Variants in IL17B observed in about 807,000 individuals in gnomAD.
IL17B encodes interleukin 17B.
A neutral mutation model predicts 14.7 loss-of-function variants in IL17B; 14 were observed. The observed-to-expected ratio is 0.95, with a 90% CI of 0.63 to 1.49. The LOEUF (loss-of-function observed/expected upper bound fraction) is 1.49, where lower values mean the gene tolerates loss of function less well. IL17B is among the 40% of genes most tolerant of loss of function. The pLI is 0.00. For missense variants in IL17B, 233 were observed against 252.8 expected (o/e 0.92, Z 0.53); for synonymous variants, 105 against 94.8 (o/e 1.11, Z -0.62).
Position 149,378,264 on chromosome 5 carries a change from C to T in IL17B, c.21+941G>A, listed in dbSNP as rs148366435. 3.4e-4 allele frequency among the ~76,000 whole-genome samples: 52 copies of T among 152,266 alleles called. 2 individuals carry two copies. In the East Asian group the frequency reaches 8.7e-3, roughly 25 times the overall value. ...AGTTATGGGCTAAGGATGTCCTGTCCGCCTGCACTGCCCTTCTCCCCTGAG... is the reference window on the plus strand; with the variant it reads ...AGTTATGGGCTAAGGATGTCCTGTCTGCCTGCACTGCCCTTCTCCCCTGAG... On this transcript the variant is annotated intron_variant, in intron 1 of 2. Transcript: ENST00000261796.
intron 1 of IL17B, among the ~76,000 whole-genome samples, chr5:149,385,291 G>A (rs1036880672): frequency 6.6e-6 from 1 of 151,990 alleles, no homozygotes; most frequent in Admixed American, 6.5e-5. Context: ...GGAGGCAGAG[G>A]TTGCAGTGAG....
At chr5:149,389,353 A>G (rs934858978) in intron 1 of IL17B, among the ~76,000 whole-genome samples, 1 of 152,240 alleles carries the variant, frequency 6.6e-6, no homozygotes, top group Admixed American at 6.5e-5. Context: ...CAAATTTGGA[A>G]AAGAAACTTT....
upstream of IL17B, among the ~76,000 whole-genome samples, chr5:149,381,046 C>G (rs906695932): frequency 6.6e-6 from 1 of 152,156 alleles, no homozygotes; most frequent in Non-Finnish European, 1.5e-5. Context: ...TGTGCTGGCT[C>G]TCTGCACACA....
intron 1 of IL17B, among the ~76,000 whole-genome samples, chr5:149,377,410 A>G (rs562076263): frequency 1.4e-4 from 22 of 152,294 alleles, no homozygotes; most frequent in East Asian, 3.9e-4. Context: ...CATGACTTCA[A>G]TCTTAAAGTT....
At chr5:149,378,950 C>T (rs1253430508) in intron 1 of IL17B, among the ~76,000 whole-genome samples, 2 of 152,136 alleles carry the variant, frequency 1.3e-5, no homozygotes, top group Non-Finnish European at 2.9e-5. Flanking sequence ...CTGAGTTTGC[C>T]GGGATCTCCC....
In IL17B at chr5:149,374,818, G is replaced by A. The variant is rs1358901761; in HGVS notation, c.312-218C>T. 1 of 518,798 alleles carries A rather than the reference G, an allele frequency of 1.9e-6. No homozygotes were observed. The highest frequency in any genetic ancestry group is 1.9e-5 in the African/African-American group (1 of 52,978). 32.1% of individuals were successfully genotyped at this position (518,798 alleles called of 1,614,324 possible). A position where few individuals can be genotyped will look rare whatever the true frequency, so the allele number is the denominator to read the frequency against. On this transcript the variant is annotated intron_variant, in intron 2 of 2. Transcript: ENST00000261796. The surrounding 1 kb of genome is among the most constrained non-coding windows in gnomAD (Gnocchi z 5.0). ...GAGCCCCAAGGTTATCCAGCTTCAAGGTCACCAGTCACCCAGCTTCCTTCT... is the reference window on the plus strand; with the variant it reads ...GAGCCCCAAGGTTATCCAGCTTCAAAGTCACCAGTCACCCAGCTTCCTTCT...
chr5:149,385,646 T>G (rs544968981), intron 1 of IL17B, among the ~76,000 whole-genome samples: 70 of 152,324 alleles, frequency 4.6e-4, no homozygotes, highest in African/African-American at 1.6e-3. Flanking sequence ...CCCTGCCCAC[T>G]GGAGTGTCCT....
Position 149,374,765 on chromosome 5 carries a change from A to G in IL17B, c.312-165T>C. 1.7e-6 allele frequency: 1 copy of G among 587,402 alleles called. No individual in the cohort carries two copies. Among genetic ancestry groups the G allele is most frequent in the Non-Finnish European group, 3.0e-6 (1 of 336,588 alleles). 36.4% of individuals were successfully genotyped at this position (587,402 alleles called of 1,614,324 possible). A position where few individuals can be genotyped will look rare whatever the true frequency, so the allele number is the denominator to read the frequency against. On this transcript the variant is annotated intron_variant, in intron 2 of 2. Transcript: ENST00000261796. This position sits in a 1 kb window ranked among gnomAD's most constrained non-coding sequence, Gnocchi z 5.0. The stretch of plus-strand genomic sequence containing the variant: ...AATCAACTCCATGTTCCACGTGAGG[A>G]AACTGAAGATCATGGAAGGCAAGTC...
intron 1 of IL17B, among the ~76,000 whole-genome samples, chr5:149,385,283 A>G (rs1466611241): frequency 2.0e-5 from 3 of 151,960 alleles, no homozygotes; most frequent in Non-Finnish European, 4.4e-5. Flanking sequence ...TGAACCTGGG[A>G]GGCAGAGGTT....
rs146419159 is a variant in IL17B, at chr5:149,395,782, C to T, written n.95+8326G>A. On this transcript the variant is annotated intron_variant and non_coding_transcript_variant, in intron 1 of 2. Transcript: ENST00000505432. ...CTGCCTCCCAGGTTCAAGCAATTCT[C>T]GTACCTCAGCCTCCTGAGTAGCTGG... is the stretch of plus-strand genomic sequence containing the variant. Among the ~76,000 whole-genome samples, 25 of 152,302 alleles carry T rather than the reference C, an allele frequency of 1.6e-4. No individual in the cohort carries two copies. In the East Asian group the frequency reaches 4.6e-3, roughly 28 times the overall value.
chr5:149,396,006 T>A (rs1449923733), intron 1 of IL17B, among the ~76,000 whole-genome samples: 8 of 152,248 alleles, frequency 5.3e-5, no homozygotes, highest in Non-Finnish European at 2.9e-5. Context: ...CTGGCCCATA[T>A]TTTTAAACTG....
chr5:149,390,622 C>A (rs961805421), intron 1 of IL17B, among the ~76,000 whole-genome samples: 17 of 145,564 alleles, frequency 1.2e-4, no homozygotes, highest in Non-Finnish European at 2.2e-4. Context: ...CACACACACA[C>A]ACACACACAG....
intron 1 of IL17B, among the ~76,000 whole-genome samples, chr5:149,400,984 A>C (rs1204344069): frequency 6.6e-6 from 1 of 152,232 alleles, no homozygotes; most frequent in African/African-American, 2.4e-5. Flanking sequence ...AGCGATCTGC[A>C]TTGAAAAGCC....
intron 1 of IL17B, among the ~76,000 whole-genome samples, chr5:149,385,007 C>A (rs758474010): frequency 6.6e-6 from 1 of 151,326 alleles, no homozygotes; most frequent in Non-Finnish European, 1.5e-5. Flanking sequence ...CTCCCAGGTC[C>A]CTGTTAAGCA....
intron 1 of IL17B, among the ~76,000 whole-genome samples, chr5:149,397,288 G>A (rs879634637): frequency 3.9e-5 from 6 of 152,094 alleles, no homozygotes; most frequent in Admixed American, 1.3e-4. Context: ...TCCCACCTCA[G>A]CCTCCCGAGT....
At chr5:149,395,658 T>A (rs10051657) in intron 1 of IL17B, among the ~76,000 whole-genome samples, 55,739 of 152,102 alleles carry the variant, frequency 0.37, 10,759 homozygotes, top group African/African-American at 0.49. Flanking sequence ...GATGCATTTT[T>A]ATTTTTTTAT....
rs35912777 is a variant in IL17B at position 149,392,951 on chromosome 5, C to T, written n.95+11157G>A. Among the ~76,000 whole-genome samples, 289 of 134,908 alleles carry T rather than the reference C, an allele frequency of 2.1e-3. 3 individuals are homozygous for T. The East Asian group carries it at 0.047, about 22-fold the overall frequency. The allele number at this position is 134,908 out of a possible 152,430, so 88.5% of individuals were successfully genotyped here. On this transcript the variant is annotated intron_variant and non_coding_transcript_variant, in intron 1 of 2. Transcript: ENST00000505432. ...GTGTGTGTACGTGCGTGTGTGCGTGCGTGTGTGCGTGTGTGTGCGCGCGTG... is the reference window on the plus strand; with the variant it reads ...GTGTGTGTACGTGCGTGTGTGCGTGTGTGTGTGCGTGTGTGTGCGCGCGTG...
At chr5:149,389,881 A>T (rs1172285583) in intron 1 of IL17B, among the ~76,000 whole-genome samples, 1 of 152,172 alleles carries the variant, frequency 6.6e-6, no homozygotes, top group Non-Finnish European at 1.5e-5. Context: ...GTGGTTTACG[A>T]AGGCTTGGAG....
chr5:149,376,226 G>A (rs144137036), intron 2 of IL17B, among the ~76,000 whole-genome samples: 227 of 152,336 alleles, frequency 1.5e-3, no homozygotes, highest in African/African-American at 5.3e-3. Flanking sequence ...GCAGCCTGCT[G>A]TGCGCCCTGA....
Sources: allele counts gnomAD v4.1 joint callset (sites outside exome capture counted in the v4.1 genomes callset), GRCh38; gene constraint gnomAD v4.1.1; non-coding constraint Gnocchi (gnomAD v3.1); transcripts MANE v1.5; gene names NCBI Gene and HGNC (gene_info 2026-07-23, HGNC 2026-07-21).